The following EML6 variants were observed in gnomAD, a reference collection of about 807,000 sequenced individuals.
The protein encoded by EML6 is EMAP like 6.
EML6 carries 154 observed loss-of-function variants against 240.1 expected under a neutral mutation model. The ratio of observed to expected loss-of-function variants is 0.64; its 90% CI spans 0.56 to 0.73. The LOEUF (loss-of-function observed/expected upper bound fraction) is 0.73. Ranked by LOEUF, EML6 falls within the 30% of genes least tolerant of loss-of-function variation. The probability of loss-of-function intolerance (pLI) is 0.00; values close to 1 mark genes in which losing one functional copy is unlikely to be tolerated. For missense variants in EML6, 2,964 were observed against 2,474.6 expected (o/e 1.20, Z -4.20); for synonymous variants, 1,148 against 899.0 (o/e 1.28, Z -4.95).
At chr2:54,936,988 T>G (rs989580900) in intron 28 of EML6, among the ~76,000 whole-genome samples, 1 of 116,966 alleles carries the variant, frequency 8.5e-6, no homozygotes, top group East Asian at 3.0e-4. Context: ...TTTTTTTTTT[T>G]TAAAGTCTGG....
intron 26 of EML6, among the ~76,000 whole-genome samples, chr2:54,925,562 C>T (rs1414941197): frequency 2.6e-5 from 4 of 152,290 alleles, no homozygotes; most frequent in South Asian, 4.1e-4. Flanking sequence ...TATGAGTGGG[C>T]ATCTCTTCCG....
At chr2:54,741,160 C>G (rs998728181) in intron 2 of EML6, among the ~76,000 whole-genome samples, 7 of 152,102 alleles carry the variant, frequency 4.6e-5, no homozygotes, top group African/African-American at 1.7e-4. Context: ...GTCCAGAGAG[C>G]CCCAAGTGCA....
intron 8 of EML6, 83 bp from the exon 9 acceptor site, chr2:54,847,403 G>T: frequency 7.0e-7 from 1 of 1,423,060 alleles, no homozygotes; most frequent in South Asian, 1.3e-5. Flanking sequence ...TGTTGGTGTG[G>T]TGAGCAGCCC....
rs1676834170 is a variant in EML6 at position 54,968,210 on chromosome 2, G to A, written c.5680G>A (p.Gly1894Ser). 6.4e-7 allele frequency: 1 copy of A among 1,551,604 alleles called. No individual in the cohort carries two copies. The highest frequency in any genetic ancestry group is 1.4e-5 in the African/African-American group (1 of 73,046). ...DVNCACVTHA[G>S]LNIVTGDDFG... is the part of the protein sequence containing the mutation. ...CAACTGCGCATGTGTGACCCACGCT[G>A]GCCTGAACATTGTCACAGGAGATGA... Residue 1894 changes from glycine to serine, a missense_variant, in exon 40 of 42, where the codon GGC (glycine) becomes AGC (serine). Transcript: ENST00000356458.
intron 5 of EML6, among the ~76,000 whole-genome samples, chr2:54,821,337 A>G (rs943049806): frequency 6.6e-6 from 1 of 152,156 alleles, no homozygotes; most frequent in Non-Finnish European, 1.5e-5. Flanking sequence ...AAGTATAAGA[A>G]ATATGGAAGA....
At position 54,853,817 on chromosome 2, in the gene EML6, G is replaced by A. The variant is rs1301005973; in HGVS notation, c.1619G>A (p.Gly540Glu). Reference protein sequence around the residue: ...SSVLVSGDDFGLVKLFKFPCL... With the variant: ...SSVLVSGDDFELVKLFKFPCL... ...GTGCTGGTGTCTGGAGATGATTTTG[G>A]ACTGGTTAAATTGTTTAAATTTCCT... The change falls in exon 11 of 42, where the codon GGA (glycine) becomes GAA (glutamate). Residue 540 changes from glycine to glutamate, a missense_variant. Transcript: ENST00000356458. The A allele has an allele frequency of 6.4e-7, 1 of 1,551,518 alleles. No individual in the cohort carries two copies. The highest frequency in any genetic ancestry group is 2.0e-5 in the Admixed American group (1 of 50,986).
intron 23 of EML6, 78 bp from the exon 24 acceptor site, chr2:54,903,293 A>G (rs1673157165): frequency 6.6e-7 from 1 of 1,525,282 alleles, no homozygotes; most frequent in African/African-American, 1.4e-5. Flanking sequence ...CCATTTTCCC[A>G]CTTTTAAAAT....
intron 2 of EML6, among the ~76,000 whole-genome samples, chr2:54,729,838 T>C (rs1447254524): frequency 6.6e-6 from 1 of 152,208 alleles, no homozygotes; most frequent in African/African-American, 2.4e-5. Flanking sequence ...AATGGGACCA[T>C]GTTTAAGTTT....
chr2:54,860,280 A>C (rs1162339024), intron 12 of EML6, among the ~76,000 whole-genome samples: 2 of 152,050 alleles, frequency 1.3e-5, no homozygotes, highest in Non-Finnish European at 2.9e-5. Context: ...GAGTAGAGGG[A>C]GTTAGACATT....
intron 10 of EML6, among the ~76,000 whole-genome samples, chr2:54,853,078 T>A (rs2103770432): frequency 6.6e-6 from 1 of 152,340 alleles, no homozygotes; most frequent in Non-Finnish European, 1.5e-5. Flanking sequence ...CACTAATTTT[T>A]TTTCATTAAT....
intron 28 of EML6, among the ~76,000 whole-genome samples, chr2:54,939,622 C>A (rs1358807127): frequency 6.6e-6 from 1 of 152,150 alleles, no homozygotes; most frequent in African/African-American, 2.4e-5. Context: ...ATGTCATAAT[C>A]CTGAAGGGTG....
chr2:54,760,518 G>T (rs1667929907), intron 2 of EML6, among the ~76,000 whole-genome samples: 1 of 152,118 alleles, frequency 6.6e-6, no homozygotes, highest in Non-Finnish European at 1.5e-5. Flanking sequence ...TTAGTCACAG[G>T]TATGCCCATT....
chr2:54,797,177 A>AAAAACAAAAAAAAAAC (rs1669849926), intron 2 of EML6, among the ~76,000 whole-genome samples: 6 of 132,758 alleles, frequency 4.5e-5, no homozygotes, highest in Non-Finnish European at 8.1e-5. Context: ...AAAAAAAAAA[A>AAAAACAAAAAAAAAAC]AAAAAAAAAA....
At chr2:54,792,621 A>G (rs1303910233) in intron 2 of EML6, among the ~76,000 whole-genome samples, 1 of 152,232 alleles carries the variant, frequency 6.6e-6, no homozygotes, top group African/African-American at 2.4e-5. Context: ...CAGATGTTTC[A>G]AAACTCACAG....
Position 54,960,315 on chromosome 2 carries a change from G to A in EML6, c.4949G>A (p.Arg1650His), listed in dbSNP as rs759310996. ...ACCGGGCAGCTGGTGGAGTGTGTGC[G>A]CTCCGTGTGCCGTGGAAAAGTGAGC... ...LETGQLVECV[R>H]SVCRGKGKIL... Residue 1650 changes from arginine (R) to histidine (H), a missense_variant, in exon 35 of 42, where the codon CGC becomes CAC. Coordinates refer to ENST00000356458, the MANE Select transcript of EML6 (RefSeq NM_001039753.4). 1.5e-5 allele frequency: 24 copies of A among 1,549,904 alleles called. No homozygotes were observed. Among genetic ancestry groups the A allele is most frequent in the East Asian group, 7.3e-5 (3 of 40,924 alleles).
chr2:54,733,867 C>A (rs1269423967), intron 2 of EML6, among the ~76,000 whole-genome samples: 1 of 151,998 alleles, frequency 6.6e-6, no homozygotes, highest in African/African-American at 2.4e-5. Flanking sequence ...ATTCCCCACC[C>A]CTAATAAAGG....
At chr2:54,795,644 G>A (rs182669906) in intron 2 of EML6, among the ~76,000 whole-genome samples, 27 of 152,174 alleles carry the variant, frequency 1.8e-4, no homozygotes. Context: ...GTGGGCCTCA[G>A]TACTGTACAG....
chr2:54,816,504 T>A (rs1668087761), intron 3 of EML6, among the ~76,000 whole-genome samples: 2 of 152,204 alleles, frequency 1.3e-5, no homozygotes, highest in African/African-American at 4.8e-5. Context: ...TTCTGTAGTT[T>A]CTATTGACGT....
At chr2:54,914,710 C>T (rs1470259811) in intron 25 of EML6, among the ~76,000 whole-genome samples, 1 of 152,054 alleles carries the variant, frequency 6.6e-6, no homozygotes. Flanking sequence ...AGAGGTAGCT[C>T]ATCATGTTAG....
Sources: allele counts gnomAD v4.1 joint callset (sites outside exome capture counted in the v4.1 genomes callset), GRCh38; gene constraint gnomAD v4.1.1; transcripts MANE v1.5; gene names NCBI Gene and HGNC (gene_info 2026-07-23, HGNC 2026-07-21).